Variants in LMCD1 observed in about 807,000 individuals in gnomAD.
LMCD1 encodes the protein LIM and cysteine-rich domains protein 1.
In LMCD1, 32 loss-of-function variants were observed where a neutral mutation model predicts 42.7. That is an observed-to-expected ratio of 0.75 (90% CI 0.57 to 1.01). LMCD1 has a LOEUF of 1.01. LMCD1 is among the 50% of genes least tolerant of loss of function. LMCD1 has a pLI of 0.00. For missense variants in LMCD1, 458 were observed against 483.1 expected (o/e 0.95, Z 0.49); for synonymous variants, 178 against 184.9 (o/e 0.96, Z 0.30).
intron 1 of LMCD1, among the ~76,000 whole-genome samples, chr3:8,516,224 A>G (rs1386129273): frequency 6.6e-6 from 1 of 152,090 alleles, no homozygotes; most frequent in Non-Finnish European, 1.5e-5. Flanking sequence ...TGGTCTGGGG[A>G]AGCGGTTGGC....
At chr3:8,540,558 G>T (rs1231015982) in intron 3 of LMCD1, among the ~76,000 whole-genome samples, 1 of 152,218 alleles carries the variant, frequency 6.6e-6, no homozygotes, top group African/African-American at 2.4e-5. Context: ...CAAAGTTTGG[G>T]CTCTTCCCTA....
intron 4 of LMCD1, among the ~76,000 whole-genome samples, chr3:8,560,367 C>T (rs1695011043): frequency 6.6e-6 from 1 of 152,168 alleles, no homozygotes; most frequent in Non-Finnish European, 1.5e-5. Flanking sequence ...CCTTTTGGAC[C>T]TGATATCCCC....
intron 1 of LMCD1, among the ~76,000 whole-genome samples, chr3:8,518,388 T>C (rs1694137026): frequency 6.6e-6 from 1 of 152,142 alleles, no homozygotes; most frequent in Non-Finnish European, 1.5e-5. Context: ...CTCTAGTGAG[T>C]CATCTTCCAG....
At chr3:8,561,890 A>C (rs1695044223) in intron 4 of LMCD1, among the ~76,000 whole-genome samples, 1 of 152,240 alleles carries the variant, frequency 6.6e-6, no homozygotes, top group Non-Finnish European at 1.5e-5. Context: ...TTACAGGAGC[A>C]GGGGATAACT....
chr3:8,512,088 C>G (rs1235519681), intron 1 of LMCD1, among the ~76,000 whole-genome samples: 1 of 152,228 alleles, frequency 6.6e-6, no homozygotes, highest in Non-Finnish European at 1.5e-5. Flanking sequence ...CATGAAAACA[C>G]CGTTCAGAAC....
intron 3 of LMCD1, among the ~76,000 whole-genome samples, chr3:8,545,728 T>A (rs1694722270): frequency 6.6e-6 from 1 of 152,236 alleles, no homozygotes. Flanking sequence ...TGCATGTTAG[T>A]AATTTTTCGC....
chr3:8,572,747 A>C lies in LMCD1; in HGVS notation c.*5149A>C, dbSNP rs1695238503. 2.6e-5 allele frequency: 4 copies of C among 152,240 alleles called. No individual in the cohort carries two copies. The highest frequency in any genetic ancestry group is 2.0e-4 in the Admixed American group (3 of 15,282). The allele number at this position is 152,240 out of a possible 1,614,324, so 9.4% of individuals were successfully genotyped here. A position where few individuals can be genotyped will look rare whatever the true frequency, so the allele number is the denominator to read the frequency against. ...ATTATGGCCAAAGAAAGCTCCTTCAAACTGGTTGCTATGTCCTTTTGACAT... is the reference window on the plus strand; with the variant it reads ...ATTATGGCCAAAGAAAGCTCCTTCACACTGGTTGCTATGTCCTTTTGACAT... On this transcript the variant is annotated 3_prime_UTR_variant, in exon 6 of 6. Transcript: ENST00000157600.
chr3:8,568,777 AT>A lies in LMCD1; in HGVS notation c.*1184del, dbSNP rs1159061622. On this transcript the variant is annotated 3_prime_UTR_variant, in exon 6 of 6. Coordinates refer to ENST00000157600, the MANE Select transcript of LMCD1 (RefSeq NM_014583.4). The stretch of plus-strand genomic sequence containing the variant: ...TTCCCACAGTTTCTAAGAAAAACAT[AT>A]TTTTCTACTGGGAGTATAAGGATGA... The A allele has an allele frequency of 1.3e-5, 2 of 152,092 alleles. No individual in the cohort carries two copies. The highest frequency in any genetic ancestry group is 2.9e-5 in the Non-Finnish European group (2 of 68,018). The allele number at this position is 152,092 out of a possible 1,614,324, so 9.4% of individuals were successfully genotyped here. A position where few individuals can be genotyped will look rare whatever the true frequency, so the allele number is the denominator to read the frequency against.
At chr3:8,524,677 T>TGTG (rs1694266141) in intron 1 of LMCD1, among the ~76,000 whole-genome samples, 1 of 126,272 alleles carries the variant, frequency 7.9e-6, no homozygotes, top group Non-Finnish European at 1.8e-5. Flanking sequence ...TTGATGGATT[T>TGTG]GTGATGTTGC....
chr3:8,543,564 C>T (rs906711151), intron 3 of LMCD1, among the ~76,000 whole-genome samples: 1 of 152,146 alleles, frequency 6.6e-6, no homozygotes, highest in African/African-American at 2.4e-5. Flanking sequence ...CTCACTATAA[C>T]CTTAAGCTCC....
At chr3:8,565,795 TC>T (rs1229135334) in intron 5 of LMCD1, 148 bp downstream of exon 5, 5 of 738,886 alleles carry the variant, frequency 6.8e-6, no homozygotes, top group Non-Finnish European at 1.1e-5. Context: ...CTCTCAACCT[TC>T]ATTTTCTCAT....
In LMCD1 at chr3:8,567,738, A is replaced by G. The variant is rs1233242356; in HGVS notation, c.*140A>G. The G allele has an allele frequency of 6.4e-6, 5 of 787,082 alleles. No individual in the cohort carries two copies. Among genetic ancestry groups the G allele is most frequent in the East Asian group, 2.7e-5 (1 of 36,490 alleles). 48.8% of individuals were successfully genotyped at this position (787,082 alleles called of 1,614,324 possible). On this transcript the variant is annotated 3_prime_UTR_variant, in exon 6 of 6. Coordinates refer to ENST00000157600, the MANE Select transcript of LMCD1 (RefSeq NM_014583.4). ...TTTGCTTTTCAGTGAGAATATATAT[A>G]TGAGATATATATAGATATATATTCT...
intron 1 of LMCD1, among the ~76,000 whole-genome samples, chr3:8,514,658 T>C (rs141481203): frequency 1.3e-5 from 2 of 152,296 alleles, no homozygotes; most frequent in East Asian, 1.9e-4. Context: ...TTTATATTTA[T>C]ACAACAGAAT....
At chr3:8,503,444 T>G (rs1262892171) in intron 1 of LMCD1, among the ~76,000 whole-genome samples, 4 of 152,222 alleles carry the variant, frequency 2.6e-5, no homozygotes, top group Non-Finnish European at 5.9e-5. Context: ...AATCAAGTCA[T>G]TTCCCCTCCT....
At chr3:8,550,109 G>T in intron 4 of LMCD1, 7 of 1,407,362 alleles carry the variant, frequency 5.0e-6, no homozygotes, top group Non-Finnish European at 6.5e-6. Flanking sequence ...GCCATTTTGA[G>T]AAAACAGAAA....
At chr3:8,543,492 CAGAT>C (rs572117468) in intron 3 of LMCD1, among the ~76,000 whole-genome samples, 63 of 151,938 alleles carry the variant, frequency 4.1e-4, no homozygotes, top group Middle Eastern at 3.2e-3. Context: ...GACAGACAGA[CAGAT>C]AGATAGATAG....
At chr3:8,541,422 G>T (rs1047609877) in intron 3 of LMCD1, among the ~76,000 whole-genome samples, 1 of 152,096 alleles carries the variant, frequency 6.6e-6, no homozygotes, top group African/African-American at 2.4e-5. Flanking sequence ...GGTAGCAGGC[G>T]CCTGTAATCC....
Position 8,571,171 on chromosome 3 carries a change from T to A in LMCD1, c.*3573T>A, listed in dbSNP as rs1051469389. The stretch of plus-strand genomic sequence containing the variant: ...TAGGTGCCCTTTATCTGTAAGTTCA[T>A]AATATCCCAGGCTTACAGTAATTCT... On this transcript the variant is annotated 3_prime_UTR_variant, in exon 6 of 6. Coordinates refer to ENST00000157600, the MANE Select transcript of LMCD1 (RefSeq NM_014583.4). The A allele has an allele frequency of 3.3e-5, 5 of 152,190 alleles. No homozygotes were observed. The highest frequency in any genetic ancestry group is 1.2e-4 in the African/African-American group (5 of 41,446). The allele number at this position is 152,190 out of a possible 1,614,324, so 9.4% of individuals were successfully genotyped here. A position where few individuals can be genotyped will look rare whatever the true frequency, so the allele number is the denominator to read the frequency against.
At chr3:8,508,840 AACCTCAT>A (rs1357826384) in intron 1 of LMCD1, among the ~76,000 whole-genome samples, 3 of 152,206 alleles carry the variant, frequency 2.0e-5, no homozygotes, top group Non-Finnish European at 4.4e-5. Flanking sequence ...GTTTTGTGTC[AACCTCAT>A]ACCTTGAAAC....
Sources: allele counts gnomAD v4.1 joint callset (sites outside exome capture counted in the v4.1 genomes callset), GRCh38; gene constraint gnomAD v4.1.1; transcripts MANE v1.5; gene names NCBI Gene and HGNC (gene_info 2026-07-23, HGNC 2026-07-21).